RBFOX1: variants seen among roughly 807,000 people sequenced by gnomAD.
The protein encoded by RBFOX1 is RNA binding fox-1 homolog 1.
In RBFOX1, 8 loss-of-function variants were observed where a neutral mutation model predicts 57.7. That is an observed-to-expected ratio of 0.14 (90% CI 0.08 to 0.25). The LOEUF (loss-of-function observed/expected upper bound fraction) is 0.25. RBFOX1 is among the 10% of genes least tolerant of loss of function. The pLI is 1.00. For missense variants in RBFOX1, 611 were observed against 548.5 expected, an observed-to-expected ratio of 1.11 and a Z score of -1.14; for synonymous variants, 326 against 222.4, an observed-to-expected ratio of 1.47 and a Z score of -4.15.
At chr16:6,688,705 G>A (rs1434331482) in intron 3 of RBFOX1, among the ~76,000 whole-genome samples, 1 of 152,010 alleles carries the variant, frequency 6.6e-6, no homozygotes. Context: ...TTGTTACATA[G>A]GTATACACAT....
intron 4 of RBFOX1, chr16:7,332,660 GTCTCTC>G: frequency 3.2e-6 from 2 of 627,010 alleles, no homozygotes; most frequent in South Asian, 4.6e-5. Flanking sequence ...TGGTCTCTTG[GTCTCTC>G]TCTCTGTCTC....
At chr16:5,316,064 A>G (rs1294023855) in intron 1 of RBFOX1, among the ~76,000 whole-genome samples, 1 of 152,066 alleles carries the variant, frequency 6.6e-6, no homozygotes. Context: ...GCTCTCAGCC[A>G]TACATTGGCT....
intron 2 of RBFOX1, among the ~76,000 whole-genome samples, chr16:6,419,406 C>T (rs9921337): frequency 0.42 from 64,508 of 152,062 alleles, 14,671 homozygotes; most frequent in Non-Finnish European, 0.5. Context: ...ATTCATCACT[C>T]ACGTGTGTCT....
chr16:6,565,319 C>T (rs148911744), intron 2 of RBFOX1, among the ~76,000 whole-genome samples: 2,615 of 151,474 alleles, frequency 0.017, 38 homozygotes, highest in Middle Eastern at 0.031. Context: ...CTCAGTGGCG[C>T]GATCTTGGCT....
intron 4 of RBFOX1, among the ~76,000 whole-genome samples, chr16:7,144,992 C>T (rs886812146): frequency 2.0e-5 from 3 of 152,114 alleles, no homozygotes; most frequent in African/African-American, 7.2e-5. Flanking sequence ...AATTCTGAAA[C>T]AGGTCAGCTG....
At chr16:7,705,534 G>A (rs550588600) in intron 14 of RBFOX1, among the ~76,000 whole-genome samples, 1 of 152,270 alleles carries the variant, frequency 6.6e-6, no homozygotes, top group East Asian at 1.9e-4. Context: ...AAAATCCTAT[G>A]TGCCTGGAGC....
intron 3 of RBFOX1, among the ~76,000 whole-genome samples, chr16:6,791,927 A>G (rs1321334033): frequency 6.6e-6 from 1 of 152,206 alleles, no homozygotes; most frequent in African/African-American, 2.4e-5. Context: ...AGAGAGAACT[A>G]GAGACTGGAA....
At chr16:7,546,027 A>AAAG (rs1555576515) in intron 5 of RBFOX1, among the ~76,000 whole-genome samples, 17 of 150,544 alleles carry the variant, frequency 1.1e-4, no homozygotes, top group African/African-American at 1.7e-4. Context: ...AAAAAAAAAA[A>AAAG]AAAGAAAAAG....
At chr16:5,586,451 C>A (rs928288652) in intron 2 of RBFOX1, among the ~76,000 whole-genome samples, 9 of 152,196 alleles carry the variant, frequency 5.9e-5, no homozygotes, top group African/African-American at 2.2e-4. Context: ...ACTTCTGACT[C>A]AAGTAGATAG....
At chr16:6,405,201 C>G (rs754410830) in intron 2 of RBFOX1, among the ~76,000 whole-genome samples, 2 of 152,094 alleles carry the variant, frequency 1.3e-5, no homozygotes, top group Admixed American at 6.6e-5. Flanking sequence ...ATCTGTTATC[C>G]TATCATACAA....
At chr16:7,350,283 C>G (rs1315465219) in intron 4 of RBFOX1, among the ~76,000 whole-genome samples, 5 of 151,836 alleles carry the variant, frequency 3.3e-5, no homozygotes, top group Non-Finnish European at 7.4e-5. Context: ...GGAAAGAGGT[C>G]TAAGGGGAGG....
intron 4 of RBFOX1, among the ~76,000 whole-genome samples, chr16:5,954,232 G>T (rs2059579298): frequency 1.3e-5 from 2 of 152,178 alleles, no homozygotes; most frequent in African/African-American, 4.8e-5. Context: ...TGGTCTCATG[G>T]ATGGAGGGGC....
chr16:7,282,487 G>C, intron 4 of RBFOX1, among the ~76,000 whole-genome samples: 1 of 151,960 alleles, frequency 6.6e-6, no homozygotes. Flanking sequence ...TTATCAGGTG[G>C]ATTTTCTGCT....
intron 3 of RBFOX1, among the ~76,000 whole-genome samples, chr16:6,822,650 A>G (rs1484176318): frequency 6.6e-6 from 1 of 152,134 alleles, no homozygotes; most frequent in African/African-American, 2.4e-5. Context: ...AGGTTAGACA[A>G]CCCCATGCTA....
intron 4 of RBFOX1, among the ~76,000 whole-genome samples, chr16:7,073,082 A>G (rs1433351053): frequency 1.3e-5 from 2 of 152,210 alleles, no homozygotes; most frequent in Non-Finnish European, 2.9e-5. Flanking sequence ...GTAGGTATTC[A>G]GTTGAGACTC....
intron 3 of RBFOX1, among the ~76,000 whole-genome samples, chr16:6,976,410 A>T (rs917831083): frequency 1.3e-5 from 2 of 152,148 alleles, no homozygotes; most frequent in African/African-American, 4.8e-5. Context: ...CAGTTTCCAG[A>T]GGCGAGCATG....
intron 4 of RBFOX1, among the ~76,000 whole-genome samples, chr16:7,206,492 C>CAG (rs1316457903): frequency 3.3e-5 from 5 of 151,392 alleles, no homozygotes; most frequent in African/African-American, 1.2e-4. Flanking sequence ...TATATGCACA[C>CAG]ACACACACAT....
chr16:6,656,625 C>CACACAT lies in RBFOX1; in HGVS notation c.-16+1980_-16+1981insTACACA, dbSNP rs1555659228. Among the ~76,000 whole-genome samples, 460 of 151,878 alleles carry CACACAT rather than the reference C, an allele frequency of 3.0e-3. 11 individuals are homozygous for CACACAT. In the East Asian group the frequency reaches 0.054, roughly 18 times the overall value. Reference sequence around the variant, plus strand: ...ACACACACACACACACACACACACACACACACTTCTAGTTTTTTCATAAAT... The same window carrying CACACAT: ...ACACACACACACACACACACACACACACACATACACACTTCTAGTTTTTTCATAAAT... On this transcript the variant is annotated intron_variant, in intron 3 of 15. Transcript: ENST00000550418.
At chr16:7,551,555 A>C (rs1252873473) in intron 5 of RBFOX1, among the ~76,000 whole-genome samples, 1 of 152,212 alleles carries the variant, frequency 6.6e-6, no homozygotes, top group African/African-American at 2.4e-5. Context: ...AATGGTCAAT[A>C]AGTGAGCAAA....
Sources: allele counts gnomAD v4.1 joint callset (sites outside exome capture counted in the v4.1 genomes callset), GRCh38; gene constraint gnomAD v4.1.1; transcripts MANE v1.5; gene names NCBI Gene and HGNC (gene_info 2026-07-23, HGNC 2026-07-21).